VOPP1: variants seen among roughly 807,000 people sequenced by gnomAD.
The protein encoded by VOPP1 is VOPP1 WW domain binding protein, also known as WW domain binding protein VOPP1.
Under a neutral mutation model 23.5 loss-of-function variants are expected in VOPP1, and 8 were observed. The observed-to-expected ratio is 0.34, with a 90% CI of 0.20 to 0.61. VOPP1 has a LOEUF of 0.61. VOPP1 is among the 20% of genes least tolerant of loss of function. The pLI, the probability that VOPP1 is intolerant of heterozygous loss-of-function variation, is 0.78. For synonymous variants in VOPP1, 83 were observed against 97.3 expected (o/e 0.85, Z 0.86); for missense variants, 174 against 238.1 (o/e 0.73, Z 1.77).
chr7:55,538,632 A>G, intron 1 of VOPP1: 1 of 1,535,784 alleles, frequency 6.5e-7, no homozygotes, highest in Non-Finnish European at 8.7e-7. Context: ...CACAGAAGAC[A>G]GATACCCAAG....
chr7:55,487,464 A>G (rs571423029), intron 4 of VOPP1, among the ~76,000 whole-genome samples: 3 of 152,168 alleles, frequency 2.0e-5, no homozygotes, highest in African/African-American at 2.4e-5. Context: ...ACCATTTTTT[A>G]GAGGCAGGGT....
intron 1 of VOPP1, among the ~76,000 whole-genome samples, chr7:55,529,189 C>A (rs768438851): frequency 2.0e-5 from 3 of 152,010 alleles, no homozygotes; most frequent in Non-Finnish European, 2.9e-5. Flanking sequence ...ACCATCCTGG[C>A]TAACACAGTG....
intron 4 of VOPP1, among the ~76,000 whole-genome samples, chr7:55,448,986 A>G (rs1791172405): frequency 6.6e-6 from 1 of 152,242 alleles, no homozygotes; most frequent in Admixed American, 6.5e-5. Context: ...CCGTTGAAAT[A>G]CCATGAAAAA....
intron 1 of VOPP1, among the ~76,000 whole-genome samples, chr7:55,540,530 C>T (rs1279864314): frequency 6.6e-6 from 1 of 152,212 alleles, no homozygotes; most frequent in East Asian, 1.9e-4. Flanking sequence ...AGGGAGGCTG[C>T]CTGTTTAGAC....
At chr7:55,501,028 A>C (rs923771638) in intron 2 of VOPP1, among the ~76,000 whole-genome samples, 1 of 152,240 alleles carries the variant, frequency 6.6e-6, no homozygotes, top group Non-Finnish European at 1.5e-5. Context: ...AATGTGAAAA[A>C]AACAGACCCT....
At chr7:55,470,432 T>C (rs151183221), downstream of VOPP1, among the ~76,000 whole-genome samples, 44 of 152,264 alleles carry the variant, frequency 2.9e-4, no homozygotes, top group Non-Finnish European at 4.7e-4. Context: ...CTGGGGACAA[T>C]TGTCTCCATA....
chr7:55,460,616 T>G (rs1251753810), intron 4 of VOPP1, among the ~76,000 whole-genome samples: 1 of 152,160 alleles, frequency 6.6e-6, no homozygotes, highest in African/African-American at 2.4e-5. Flanking sequence ...TTGTTATAGG[T>G]TGGTGCAAAA....
chr7:55,560,327 G>C (rs1490836791), intron 1 of VOPP1, among the ~76,000 whole-genome samples: 1 of 152,148 alleles, frequency 6.6e-6, no homozygotes, highest in African/African-American at 2.4e-5. Flanking sequence ...TGGCAAAAGG[G>C]GCTTTGCAGA....
intron 4 of VOPP1, among the ~76,000 whole-genome samples, chr7:55,486,890 C>T (rs73137604): frequency 2.0e-5 from 3 of 152,180 alleles, no homozygotes; most frequent in African/African-American, 4.8e-5. Flanking sequence ...TACAAACCCC[C>T]CAAGGCCACA....
chr7:55,539,342 T>TC (rs898926445), intron 1 of VOPP1: 1 of 151,784 alleles, frequency 6.6e-6, no homozygotes, highest in African/African-American at 2.4e-5. Context: ...CGAAACTTGA[T>TC]CCCCCCAACA....
intron 3 of VOPP1, among the ~76,000 whole-genome samples, chr7:55,495,813 C>T (rs1053797925): frequency 6.6e-6 from 1 of 152,226 alleles, no homozygotes; most frequent in Non-Finnish European, 1.5e-5. Flanking sequence ...CCCAGGTGCT[C>T]CCTGGCTACA....
At chr7:55,505,859 A>C (rs1422844262) in intron 2 of VOPP1, among the ~76,000 whole-genome samples, 1 of 152,202 alleles carries the variant, frequency 6.6e-6, no homozygotes, top group Non-Finnish European at 1.5e-5. Flanking sequence ...TACAGCTATT[A>C]TAACAGTTAC....
intron 2 of VOPP1, among the ~76,000 whole-genome samples, chr7:55,514,846 C>T (rs897266553): frequency 3.3e-5 from 5 of 152,202 alleles, no homozygotes; most frequent in African/African-American, 1.2e-4. Flanking sequence ...AACTTGGGGC[C>T]ATCCTCTGCT....
intron 1 of VOPP1, among the ~76,000 whole-genome samples, chr7:55,570,536 C>A (rs1272156767): frequency 4.6e-5 from 7 of 152,166 alleles, no homozygotes; most frequent in Non-Finnish European, 8.8e-5. Flanking sequence ...GTCACTGAGG[C>A]CGTCTAGGCT....
intron 1 of VOPP1, among the ~76,000 whole-genome samples, chr7:55,539,175 C>T (rs534857874): frequency 6.6e-6 from 1 of 152,066 alleles, no homozygotes; most frequent in South Asian, 2.1e-4. Context: ...GAAACCCCCT[C>T]CTCCACTAAA....
rs202053072 is a variant in VOPP1 at position 55,445,244 on chromosome 7, GACACAC to G, written n.418-9076_418-9071del. On this transcript the variant is annotated intron_variant and non_coding_transcript_variant, in intron 4 of 4. Coordinates refer to the VOPP1 transcript ENST00000462326. Reference sequence around the variant, plus strand: ...ACACACACACAGACACACACACACAGACACACACACACACACACAGACATACACACA... The same window carrying G: ...ACACACACACAGACACACACACACAGACACACACACACAGACATACACACA... 1.7e-4 allele frequency among the ~76,000 whole-genome samples: 21 copies of G among 121,486 alleles called. No individual in the cohort carries two copies. The East Asian group carries it at 4.4e-3, about 25-fold the overall frequency. The allele number at this position is 121,486 out of a possible 152,430, so 79.7% of individuals were successfully genotyped here. A position where few individuals can be genotyped will look rare whatever the true frequency, so the allele number is the denominator to read the frequency against.
chr7:55,487,215 A>C (rs1793209217), intron 4 of VOPP1, among the ~76,000 whole-genome samples: 1 of 152,150 alleles, frequency 6.6e-6, no homozygotes, highest in Admixed American at 6.5e-5. Flanking sequence ...AGGCTGACAG[A>C]CTTATTACAG....
rs557832198 is a variant in VOPP1 at position 55,538,683 on chromosome 7, A to G, written c.55-17553T>C. 11,028 of 1,535,090 alleles carry G rather than the reference A, an allele frequency of 7.2e-3. 66 individuals are homozygous for G. The highest frequency in any genetic ancestry group is 8.8e-3 in the Non-Finnish European group (10,119 of 1,146,070). The stretch of plus-strand genomic sequence containing the variant: ...TGTGTGTAATGACAAAAACAGCTAC[A>G]AACTACTTAGCTGTTCATCAAGAGA... On this transcript the variant is annotated intron_variant, in intron 1 of 4. Transcript: ENST00000285279.
At chr7:55,492,156 T>TA in intron 4 of VOPP1, 126 bp downstream of exon 4, 2 of 1,347,324 alleles carry the variant, frequency 1.5e-6, no homozygotes, top group Non-Finnish European at 2.0e-6. Flanking sequence ...TCATCAGAAC[T>TA]AAAAAAATGA....
Sources: gnomAD v4.1 joint callset for allele counts (sites outside exome capture counted in the v4.1 genomes callset) on GRCh38, gnomAD v4.1.1 for gene constraint, MANE v1.5 for transcripts, NCBI Gene and HGNC (gene_info 2026-07-23, HGNC 2026-07-21) for gene names.